The following YY1 variants were observed in gnomAD, a reference collection of about 807,000 sequenced individuals.
YY1 encodes YY1 transcription factor.
YY1 carries 2 observed loss-of-function variants against 35.6 expected under a neutral mutation model. The ratio of observed to expected loss-of-function variants is 0.06; its 90% CI spans 0.02 to 0.18. The LOEUF (loss-of-function observed/expected upper bound fraction) is 0.18, where lower values mean the gene tolerates loss of function less well. Ranked by LOEUF, YY1 falls within the 10% of genes least tolerant of loss-of-function variation. YY1 has a pLI of 1.00. For synonymous variants in YY1, 268 were observed against 238.9 expected (o/e 1.12, Z -1.12); for missense variants, 322 against 573.4 (o/e 0.56, Z 4.48).
intron 2 of YY1, among the ~76,000 whole-genome samples, chr14:100,263,495 G>C (rs540503239): frequency 3.3e-5 from 5 of 152,218 alleles, no homozygotes; most frequent in Admixed American, 3.3e-4. Context: ...TACTTTTTGT[G>C]TTACTTTCTA....
chr14:100,262,314 A>G lies in YY1; in HGVS notation c.690A>G (p.Lys230=), dbSNP rs779198785. Residue 230 remains lysine (K), a synonymous_variant, in exon 2 of 5, where the codon AAA becomes AAG. Transcript: ENST00000262238. ...SVTMWSSDEK[K]DIDHETVVEE... is the part of the protein sequence containing the mutation. ...CATGATGTGTTTCAGATGAAAAAAA[A>G]GATATTGACCATGAGACAGTGGTTG... 3.7e-6 allele frequency: 6 copies of G among 1,613,822 alleles called. No individual in the cohort carries two copies. Among genetic ancestry groups the G allele is most frequent in the Non-Finnish European group, 4.2e-6 (5 of 1,180,004 alleles).
At chr14:100,240,774 A>G (rs991023062) in intron 1 of YY1, among the ~76,000 whole-genome samples, 5 of 151,044 alleles carry the variant, frequency 3.3e-5, no homozygotes, top group African/African-American at 1.2e-4. Flanking sequence ...AATAATTCTT[A>G]GTCACTTACG....
At chr14:100,272,383 A>G (rs563850114) in intron 2 of YY1, among the ~76,000 whole-genome samples, 1 of 152,212 alleles carries the variant, frequency 6.6e-6, no homozygotes, top group East Asian at 1.9e-4. Flanking sequence ...GACCAACTCC[A>G]TGGAGATAAG....
intron 2 of YY1, among the ~76,000 whole-genome samples, chr14:100,266,536 G>C (rs906241712): frequency 2.8e-4 from 42 of 152,104 alleles, no homozygotes; most frequent in African/African-American, 9.9e-4. Context: ...CTTCTGAGCA[G>C]AAAATCCAGG....
chr14:100,260,217 C>T (rs1029603097), intron 1 of YY1, among the ~76,000 whole-genome samples: 5 of 152,112 alleles, frequency 3.3e-5, no homozygotes, highest in East Asian at 3.9e-4. Context: ...GCTGGGCTTA[C>T]AGGCGCCCGC....
intron 2 of YY1, among the ~76,000 whole-genome samples, chr14:100,266,712 A>G (rs1479898972): frequency 3.9e-5 from 6 of 152,216 alleles, no homozygotes; most frequent in South Asian, 2.1e-4. Flanking sequence ...GGAAAGAATG[A>G]TAGACCTGAA....
At chr14:100,271,304 G>A (rs1378890775) in intron 2 of YY1, among the ~76,000 whole-genome samples, 1 of 152,108 alleles carries the variant, frequency 6.6e-6, no homozygotes, top group Non-Finnish European at 1.5e-5. Context: ...GAGTGGAATA[G>A]AGACCTTTCA....
intron 2 of YY1, among the ~76,000 whole-genome samples, chr14:100,274,227 G>A (rs762910171): frequency 2.0e-5 from 3 of 152,180 alleles, no homozygotes; most frequent in Non-Finnish European, 4.4e-5. Flanking sequence ...TTCGTGTATA[G>A]AGATGGATAT....
intron 1 of YY1, among the ~76,000 whole-genome samples, chr14:100,250,218 A>G (rs1224298521): frequency 6.6e-6 from 1 of 152,210 alleles, no homozygotes; most frequent in Non-Finnish European, 1.5e-5. Flanking sequence ...AATAAAGGAT[A>G]GTATCCTTTC....
chr14:100,247,951 T>C (rs549033752), intron 1 of YY1, among the ~76,000 whole-genome samples: 125 of 152,026 alleles, frequency 8.2e-4, no homozygotes, highest in Non-Finnish European at 5.7e-4. Context: ...TCAATTTCTT[T>C]CTTTCTTTCT....
chr14:100,239,643 C>T lies in YY1; in HGVS notation c.399C>T (p.Ile133=), dbSNP rs1890694196. The part of the protein sequence containing the change: ...AEDGFEDQIL[I]PVPAPAGGDD... ...ACGGCTTCGAGGATCAGATTCTCAT[C>T]CCGGTGCCCGCGCCGGCCGGCGGCG... is the stretch of plus-strand genomic sequence containing the variant. Residue 133 remains isoleucine, a synonymous_variant, in exon 1 of 5, where the codon ATC becomes ATT. Coordinates refer to ENST00000262238, the MANE Select transcript of YY1 (RefSeq NM_003403.5). 1.2e-6 allele frequency: 2 copies of T among 1,610,876 alleles called. No individual in the cohort carries two copies. The highest frequency in any genetic ancestry group is 2.2e-5 in the East Asian group (1 of 44,796).
At chr14:100,245,158 G>A (rs1041933575) in intron 1 of YY1, among the ~76,000 whole-genome samples, 5 of 151,524 alleles carry the variant, frequency 3.3e-5, no homozygotes, top group Non-Finnish European at 5.9e-5. Flanking sequence ...GGATGGTCTC[G>A]ATCTCCTGAC....
intron 1 of YY1, among the ~76,000 whole-genome samples, chr14:100,256,092 A>C (rs998132397): frequency 6.6e-6 from 1 of 151,942 alleles, no homozygotes; most frequent in Non-Finnish European, 1.5e-5. Flanking sequence ...AGCTATGATC[A>C]TGCAGACTAT....
intron 1 of YY1, among the ~76,000 whole-genome samples, chr14:100,261,225 T>C (rs965597719): frequency 6.6e-6 from 1 of 152,204 alleles, no homozygotes; most frequent in Non-Finnish European, 1.5e-5. Context: ...ACTCTCACTC[T>C]GTCACTCAGG....
At chr14:100,272,104 G>A (rs1891247117) in intron 2 of YY1, among the ~76,000 whole-genome samples, 1 of 151,956 alleles carries the variant, frequency 6.6e-6, no homozygotes, top group Non-Finnish European at 1.5e-5. Flanking sequence ...AGACCATCCT[G>A]GCTAACATGG....
Position 100,266,772 on chromosome 14 carries a change from C to G in YY1, c.842+4306C>G, listed in dbSNP as rs549418124. ...GATAATTAGAGACAATAAAACAATG[C>G]TTTGAGAGGAGAAATTACTGTAAAC... On this transcript the variant is annotated intron_variant, in intron 2 of 4. Coordinates refer to ENST00000262238, the MANE Select transcript of YY1 (RefSeq NM_003403.5). Among the ~76,000 whole-genome samples the G allele has an allele frequency of 2.7e-4, 41 of 152,204 alleles. 1 individual carries two copies. In the South Asian group the frequency reaches 8.3e-3, roughly 31 times the overall value.
At position 100,239,463 on chromosome 14, in the gene YY1, C is replaced by CCACCAT. The variant is rs752383069; in HGVS notation, c.225_230dup (p.His79_His80dup). 3.7e-6 allele frequency: 6 copies of CCACCAT among 1,600,970 alleles called. No individual in the cohort carries two copies. Among genetic ancestry groups the CCACCAT allele is most frequent in the Admixed American group, 1.7e-5 (1 of 59,180 alleles). On this transcript the variant is annotated inframe_insertion, in exon 1 of 5. Coordinates refer to ENST00000262238, the MANE Select transcript of YY1 (RefSeq NM_003403.5). ...ACGGGCACGCCGGCCACCACCACCA[C>CCACCAT]CACCATCACCACCACCACCACCCGC...
chr14:100,258,036 GT>G (rs1891028476), intron 1 of YY1, among the ~76,000 whole-genome samples: 1 of 152,086 alleles, frequency 6.6e-6, no homozygotes, highest in Non-Finnish European at 1.5e-5. Flanking sequence ...GGAGGCTGAG[GT>G]GGGAGGATTG....
In YY1 at chr14:100,268,369, C is replaced by CT. The variant is rs1165790120; in HGVS notation, c.842+5910dup. Among the ~76,000 whole-genome samples the CT allele has an allele frequency of 2.0e-5, 3 of 152,174 alleles. No individual in the cohort carries two copies. The South Asian group carries it at 6.2e-4, about 31-fold the overall frequency. On this transcript the variant is annotated intron_variant, in intron 2 of 4. Transcript: ENST00000262238. ...GGGAAGGTGGACAGTCTATGGATGA[C>CT]TTTTTTTCCCGAAATGTCTGTTCAG...
Sources: allele counts gnomAD v4.1 joint callset (sites outside exome capture counted in the v4.1 genomes callset), GRCh38; gene constraint gnomAD v4.1.1; transcripts MANE v1.5; gene names NCBI Gene and HGNC (gene_info 2026-07-23, HGNC 2026-07-21).